ANKS1B: variants seen among roughly 807,000 people sequenced by gnomAD.
The protein encoded by ANKS1B is ankyrin repeat and sterile alpha motif domain-containing protein 1B.
Under a neutral mutation model 148.3 loss-of-function variants are expected in ANKS1B, and 36 were observed. The ratio of observed to expected loss-of-function variants is 0.24; its 90% CI spans 0.19 to 0.32. The LOEUF is 0.32. Ranked by LOEUF, ANKS1B falls within the 10% of genes least tolerant of loss-of-function variation. The probability of loss-of-function intolerance (pLI) is 1.00; values close to 1 mark genes in which losing one functional copy is unlikely to be tolerated. For synonymous variants in ANKS1B, 542 were observed against 560.8 expected (o/e 0.97, Z 0.47); for missense variants, 1,157 against 1,542.6 (o/e 0.75, Z 4.19).
chr12:99,356,933 A>C (rs1297914714), intron 12 of ANKS1B, among the ~76,000 whole-genome samples: 1 of 120,208 alleles, frequency 8.3e-6, no homozygotes, highest in African/African-American at 2.6e-5. Context: ...ATATTCTTCT[A>C]GACTTTTTTT....
rs144380879 is a variant in ANKS1B, at chr12:99,280,928, T to TAC, written c.1757-34066_1757-34065dup. Among the ~76,000 whole-genome samples the TAC allele has an allele frequency of 5.8e-3, 861 of 147,472 alleles. 5 individuals are homozygous for TAC. Among genetic ancestry groups the TAC allele is most frequent in the African/African-American group, 0.017 (670 of 40,124 alleles). ...ACGTACACACACACACGTGCGCACATACACACACACACACACACTCTCTCT... is the reference window on the plus strand; with the variant it reads ...ACGTACACACACACACGTGCGCACATACACACACACACACACACACTCTCTCT... On this transcript the variant is annotated intron_variant, in intron 12 of 26. Transcript: ENST00000683438.
Position 99,775,551 on chromosome 12 carries a change from T to C in ANKS1B, c.958A>G (p.Lys320Glu), listed in dbSNP as rs1372263849. The change falls in exon 7 of 27, where the codon AAA becomes GAA. Residue 320 changes from lysine to glutamate, a missense_variant. By Grantham distance (56) the Lys-to-Glu change is moderately conservative. This residue lies in a region of ANKS1B where 661 missense variants were observed against 642.1 expected (regional missense o/e 1.03). Coordinates refer to ENST00000683438, the MANE Select transcript of ANKS1B (RefSeq NM_001352186.2). ...SPVESPSQKTKSETVTGELSK... is the reference protein window; with the variant it reads ...SPVESPSQKTESETVTGELSK... ...GGCTTTATAATTAGGTACTCACTTTTGGTCTTTTGGGAAGGAGACTCAACA... is the reference window on the plus strand; with the variant it reads ...GGCTTTATAATTAGGTACTCACTTTCGGTCTTTTGGGAAGGAGACTCAACA... The C allele has an allele frequency of 1.2e-6, 2 of 1,609,406 alleles. No individual in the cohort carries two copies. The highest frequency in any genetic ancestry group is 1.3e-5 in the African/African-American group (1 of 74,798).
intron 15 of ANKS1B, among the ~76,000 whole-genome samples, chr12:99,103,408 G>T (rs541783064): frequency 6.6e-6 from 1 of 152,136 alleles, no homozygotes; most frequent in East Asian, 1.9e-4. Flanking sequence ...CTCCTATCTT[G>T]ATTTATATAC....
chr12:99,589,792 C>G (rs182562056), intron 9 of ANKS1B, among the ~76,000 whole-genome samples: 5 of 152,166 alleles, frequency 3.3e-5, no homozygotes, highest in African/African-American at 1.2e-4. Flanking sequence ...TAATTTATAG[C>G]ATATTTCAAG....
At chr12:99,910,745 C>A (rs1461903760) in intron 1 of ANKS1B, among the ~76,000 whole-genome samples, 3 of 152,176 alleles carry the variant, frequency 2.0e-5, no homozygotes, top group East Asian at 1.9e-4. Context: ...ATGTATCTAA[C>A]GCAACAGTCT....
intron 17 of ANKS1B, among the ~76,000 whole-genome samples, chr12:99,022,652 G>A (rs1271299939): frequency 2.6e-5 from 4 of 151,870 alleles, no homozygotes; most frequent in African/African-American, 4.8e-5. Context: ...ACTGAATTTC[G>A]AGGGTATGTT....
chr12:99,728,288 A>G (rs1203294810), intron 8 of ANKS1B, among the ~76,000 whole-genome samples: 1 of 152,200 alleles, frequency 6.6e-6, no homozygotes, highest in African/African-American at 2.4e-5. Context: ...ACAAGAAAAA[A>G]AAATCCCCAT....
In ANKS1B at chr12:99,432,598, C is replaced by T. The variant is rs73373924; in HGVS notation, c.1575+11075G>A. On this transcript the variant is annotated intron_variant, in intron 11 of 26. Transcript: ENST00000683438. ...AACAAATCAACGCATAATGTTAGTTCGGGAGTGAAAATTGTTATAAAGGAA... is the reference window on the plus strand; with the variant it reads ...AACAAATCAACGCATAATGTTAGTTTGGGAGTGAAAATTGTTATAAAGGAA... Among the ~76,000 whole-genome samples the T allele has an allele frequency of 2.7e-3, 413 of 152,050 alleles. 2 individuals carry two copies. Among genetic ancestry groups the T allele is most frequent in the African/African-American group, 9.3e-3 (386 of 41,462 alleles).
chr12:99,766,183 T>C (rs182367297), intron 8 of ANKS1B, among the ~76,000 whole-genome samples: 15 of 152,296 alleles, frequency 9.8e-5, no homozygotes, highest in Admixed American at 2.0e-4. Context: ...ATTCAGTCAA[T>C]GAACTTTCAC....
chr12:99,034,434 G>C (rs1042150672), intron 17 of ANKS1B, among the ~76,000 whole-genome samples: 1 of 152,046 alleles, frequency 6.6e-6, no homozygotes, highest in African/African-American at 2.4e-5. Flanking sequence ...TTCCACCTCA[G>C]CCTCCTGAGT....
intron 12 of ANKS1B, among the ~76,000 whole-genome samples, chr12:99,318,136 T>G (rs142849611): frequency 4.7e-4 from 72 of 152,318 alleles, no homozygotes; most frequent in African/African-American, 1.5e-3. Context: ...CTTTTATTGT[T>G]GTGTCTCTGC....
intron 15 of ANKS1B, among the ~76,000 whole-genome samples, chr12:99,131,036 TCTA>T (rs2065941692): frequency 1.3e-5 from 2 of 152,186 alleles, no homozygotes; most frequent in African/African-American, 2.4e-5. Context: ...GCTGGAAACT[TCTA>T]CTATATTGCC....
chr12:99,677,753 C>A (rs2098587123), intron 8 of ANKS1B, among the ~76,000 whole-genome samples: 1 of 152,198 alleles, frequency 6.6e-6, no homozygotes, highest in Non-Finnish European at 1.5e-5. Context: ...GCTGGCAGAT[C>A]ACGAGGTCAG....
At chr12:99,304,940 G>T (rs1221089982) in intron 12 of ANKS1B, among the ~76,000 whole-genome samples, 1 of 151,966 alleles carries the variant, frequency 6.6e-6, no homozygotes, top group Non-Finnish European at 1.5e-5. Context: ...CCTGAGACTG[G>T]GTAATTTATA....
chr12:99,298,051 C>G lies in ANKS1B; in HGVS notation c.1757-51187G>C, dbSNP rs191506998. Among the ~76,000 whole-genome samples, 6 of 152,222 alleles carry G rather than the reference C, an allele frequency of 3.9e-5. No individual in the cohort carries two copies. The East Asian group carries it at 9.7e-4, about 25-fold the overall frequency. On this transcript the variant is annotated intron_variant, in intron 12 of 26. Coordinates refer to ENST00000683438, the MANE Select transcript of ANKS1B (RefSeq NM_001352186.2). ...ATTTGAATGAAGACCACTGGCTCTTCTAGTCAAACTTCCTCTTTCTGTATA... is the reference window on the plus strand; with the variant it reads ...ATTTGAATGAAGACCACTGGCTCTTGTAGTCAAACTTCCTCTTTCTGTATA...
intron 12 of ANKS1B, among the ~76,000 whole-genome samples, chr12:99,316,901 T>C (rs1278764861): frequency 1.3e-5 from 2 of 152,220 alleles, no homozygotes; most frequent in Non-Finnish European, 2.9e-5. Flanking sequence ...TAGCCAGTTT[T>C]CCCAGCACCA....
At chr12:99,622,457 T>G (rs1222348756) in intron 9 of ANKS1B, among the ~76,000 whole-genome samples, 1 of 151,720 alleles carries the variant, frequency 6.6e-6, no homozygotes, top group Non-Finnish European at 1.5e-5. Context: ...CCAAAAATTG[T>G]TTTTGTAAAG....
chr12:99,859,937 C>G (rs141776461), intron 1 of ANKS1B, among the ~76,000 whole-genome samples: 7 of 152,128 alleles, frequency 4.6e-5, no homozygotes, highest in African/African-American at 1.4e-4. Context: ...CATGGGCCAC[C>G]GCGCCCGGCC....
At chr12:99,806,727 C>T (rs771049434) in intron 3 of ANKS1B, 27 bp from the exon 4 acceptor site, 8 of 1,581,556 alleles carry the variant, frequency 5.1e-6, no homozygotes, top group African/African-American at 1.4e-5. Context: ...TAAAAAGGCA[C>T]ATTTTCAGAA....
Sources: gnomAD v4.1 joint callset for allele counts (sites outside exome capture counted in the v4.1 genomes callset) on GRCh38, gnomAD v4.1.1 for gene constraint, gnomAD v4.1.1 regional missense constraint, MANE v1.5 for transcripts, NCBI Gene and HGNC (gene_info 2026-07-23, HGNC 2026-07-21) for gene names.